Variants in PRLR observed in about 807,000 individuals in gnomAD.
PRLR encodes hPRL receptor.
A neutral mutation model predicts 40.2 loss-of-function variants in PRLR; 13 were observed. The ratio of observed to expected loss-of-function variants is 0.32; its 90% CI spans 0.21 to 0.51. PRLR has a LOEUF of 0.51. PRLR is among the 20% of genes least tolerant of loss of function. The probability of loss-of-function intolerance (pLI) is 0.97; values close to 1 mark genes in which losing one functional copy is unlikely to be tolerated. For synonymous variants in PRLR, 269 were observed against 278.7 expected, an observed-to-expected ratio of 0.97 and a Z score of 0.35; for missense variants, 656 against 747.3, an observed-to-expected ratio of 0.88 and a Z score of 1.42.
At chr5:35,217,916 A>G (rs1382817752) in intron 1 of PRLR, among the ~76,000 whole-genome samples, 2 of 152,216 alleles carry the variant, frequency 1.3e-5, no homozygotes, top group Admixed American at 1.3e-4. Context: ...AAATGACTTG[A>G]TTTTAGCTTA....
intron 1 of PRLR, among the ~76,000 whole-genome samples, chr5:35,180,831 C>T (rs925933377): frequency 3.3e-5 from 5 of 152,086 alleles, no homozygotes; most frequent in Non-Finnish European, 7.4e-5. Flanking sequence ...TGAGAACATG[C>T]GGTGTTCTGT....
Position 35,056,163 on chromosome 5 carries a change from T to A in PRLR, c.*8926A>T, listed in dbSNP as rs1768702290. On this transcript the variant is annotated 3_prime_UTR_variant, in exon 10 of 10. Coordinates refer to ENST00000618457, the MANE Select transcript of PRLR (RefSeq NM_000949.7). ...GAACCTGATGATAACAAGAGAAAAA[T>A]GCTTAACATTAGCAGGGGCAGCAGG... 1 of 152,068 alleles carries A rather than the reference T, an allele frequency of 6.6e-6. No homozygotes were observed. Among genetic ancestry groups the A allele is most frequent in the Non-Finnish European group, 1.5e-5 (1 of 68,012 alleles). 9.4% of individuals were successfully genotyped at this position (152,068 alleles called of 1,614,324 possible).
chr5:35,122,571 C>T (rs995150250), intron 1 of PRLR, among the ~76,000 whole-genome samples: 1 of 152,108 alleles, frequency 6.6e-6, no homozygotes, highest in African/African-American at 2.4e-5. Context: ...TTTGTCCTGA[C>T]AAATTGTCAG....
intron 1 of PRLR, among the ~76,000 whole-genome samples, chr5:35,204,625 T>C (rs1775967674): frequency 6.6e-6 from 1 of 152,038 alleles, no homozygotes; most frequent in Admixed American, 6.6e-5. Flanking sequence ...TTCTAAGAAA[T>C]AGAAAAAATA....
chr5:35,087,855 A>T (rs150813191), intron 3 of PRLR, among the ~76,000 whole-genome samples: 216 of 152,292 alleles, frequency 1.4e-3, no homozygotes, highest in African/African-American at 5.1e-3. Context: ...ATGCTCGCCT[A>T]CATGACTTCA....
At chr5:35,049,392 C>T in exon 9 of PRLR, 1 of 702,922 alleles carries the variant, frequency 1.4e-6, no homozygotes. Flanking sequence ...GAGAGGCACC[C>T]AACATCAAGG....
rs1041639457 is a variant in PRLR at position 35,061,024 on chromosome 5, A to G, written c.*4065T>C. The G allele has an allele frequency of 6.6e-6, 1 of 152,120 alleles. No individual in the cohort carries two copies. Among genetic ancestry groups the G allele is most frequent in the Non-Finnish European group, 1.5e-5 (1 of 68,022 alleles). The allele number at this position is 152,120 out of a possible 1,614,324, so 9.4% of individuals were successfully genotyped here. On this transcript the variant is annotated 3_prime_UTR_variant, in exon 10 of 10. Transcript: ENST00000618457. The stretch of plus-strand genomic sequence containing the variant: ...TGTTGATTCAATTAAACAATACGTA[A>G]ACATTCACTGAACATTGCTGGTTGG...
intron 1 of PRLR, among the ~76,000 whole-genome samples, chr5:35,217,601 C>A (rs1776315345): frequency 6.6e-6 from 1 of 152,068 alleles, no homozygotes; most frequent in African/African-American, 2.4e-5. Context: ...GGGTATTTAG[C>A]CCATATTAAT....
intron 5 of PRLR, among the ~76,000 whole-genome samples, chr5:35,083,943 G>GTATA (rs371256439): frequency 2.0e-5 from 3 of 150,522 alleles, no homozygotes; most frequent in Admixed American, 6.6e-5. Flanking sequence ...TACCAATGAT[G>GTATA]TATATATATA....
chr5:35,219,138 C>T (rs1376366473), intron 1 of PRLR, among the ~76,000 whole-genome samples: 1 of 152,178 alleles, frequency 6.6e-6, no homozygotes, highest in South Asian at 2.1e-4. Flanking sequence ...ATCTCCCCAC[C>T]AGTCCAACTC....
intron 1 of PRLR, among the ~76,000 whole-genome samples, chr5:35,123,079 G>A (rs1028976572): frequency 3.9e-5 from 6 of 152,164 alleles, no homozygotes; most frequent in African/African-American, 1.4e-4. Context: ...CTTGATGGGT[G>A]CCAACTACAA....
At chr5:35,098,421 C>T (rs1222290902) in intron 2 of PRLR, among the ~76,000 whole-genome samples, 1 of 152,118 alleles carries the variant, frequency 6.6e-6, no homozygotes, top group African/African-American at 2.4e-5. Context: ...GTAAAGTGAG[C>T]GGAGAGTAAA....
chr5:35,167,138 CATCTATCTATCT>C (rs10524859), intron 1 of PRLR, among the ~76,000 whole-genome samples: 2,865 of 147,362 alleles, frequency 0.019, 44 homozygotes, highest in Non-Finnish European at 0.023. Flanking sequence ...GTTTGTCTAT[CATCTATCTATCT>C]ATCTATCTAT....
chr5:35,095,307 G>A (rs1410048013), intron 2 of PRLR, among the ~76,000 whole-genome samples: 1 of 152,172 alleles, frequency 6.6e-6, no homozygotes, highest in Non-Finnish European at 1.5e-5. Flanking sequence ...GTGAATAAAT[G>A]AAGCCCAAAA....
intron 1 of PRLR, among the ~76,000 whole-genome samples, chr5:35,205,824 G>A (rs1327919186): frequency 3.3e-5 from 5 of 152,148 alleles, no homozygotes; most frequent in Non-Finnish European, 7.4e-5. Flanking sequence ...ACTAGGACAT[G>A]TCATTCTGCC....
intron 1 of PRLR, among the ~76,000 whole-genome samples, chr5:35,162,825 C>A (rs1450504565): frequency 6.6e-6 from 1 of 152,182 alleles, no homozygotes; most frequent in East Asian, 1.9e-4. Flanking sequence ...ATTGTGACCC[C>A]TTGTAAGTAA....
intron 1 of PRLR, among the ~76,000 whole-genome samples, chr5:35,136,709 A>G (rs149851237): frequency 5.9e-5 from 9 of 152,014 alleles, no homozygotes; most frequent in East Asian, 1.9e-4. Context: ...CCTCAACCTC[A>G]CCGGCTCCCA....
At chr5:35,105,119 G>A (rs1028816058) in intron 2 of PRLR, among the ~76,000 whole-genome samples, 1 of 152,190 alleles carries the variant, frequency 6.6e-6, no homozygotes, top group African/African-American at 2.4e-5. Context: ...GTTCTGGAGT[G>A]GACCTCCAGC....
At chr5:35,193,378 T>C (rs913778806) in intron 1 of PRLR, among the ~76,000 whole-genome samples, 2 of 152,184 alleles carry the variant, frequency 1.3e-5, no homozygotes, top group East Asian at 1.9e-4. Flanking sequence ...ACGGGTAAGA[T>C]ATGAACAGAT....
Sources: allele counts gnomAD v4.1 joint callset (sites outside exome capture counted in the v4.1 genomes callset), GRCh38; gene constraint gnomAD v4.1.1; transcripts MANE v1.5; gene names NCBI Gene and HGNC (gene_info 2026-07-23, HGNC 2026-07-21).